Variants in ZYG11B observed in about 807,000 individuals in gnomAD.
ZYG11B encodes protein zyg-11 homolog B.
ZYG11B carries 36 observed loss-of-function variants against 82.4 expected under a neutral mutation model. The ratio of observed to expected loss-of-function variants is 0.44; its 90% CI spans 0.33 to 0.58. The LOEUF is 0.58. Ranked by LOEUF, ZYG11B falls within the 20% of genes least tolerant of loss-of-function variation. The pLI, the probability that ZYG11B is intolerant of heterozygous loss-of-function variation, is 0.02. For missense variants in ZYG11B, 552 were observed against 895.6 expected (o/e 0.62, Z 4.90); for synonymous variants, 303 against 312.8 (o/e 0.97, Z 0.33).
intron 8 of ZYG11B, among the ~76,000 whole-genome samples, chr1:52,797,460 G>A (rs61771063): frequency 0.18 from 10,944 of 60,508 alleles, 1,322 homozygotes; most frequent in East Asian, 0.53. Flanking sequence ...TATCATATAT[G>A]ATATATATAT....
chr1:52,821,509 A>C lies in ZYG11B; in HGVS notation c.2115A>C (p.Glu705Asp), dbSNP rs145947228. ...LQHLYNIKDHEHTDPHVQQIA... is the reference protein window; with the variant it reads ...LQHLYNIKDHDHTDPHVQQIA... ...ATTTATACAACATCAAAGATCATGAACATACTGATCCCCATGTCCAACAGA... is the reference window on the plus strand; with the variant it reads ...ATTTATACAACATCAAAGATCATGACCATACTGATCCCCATGTCCAACAGA... Residue 705 changes from glutamate to aspartate, a missense_variant, in exon 14 of 14, where the codon GAA becomes GAC. Glu to Asp is a conservative substitution (Grantham distance 45). Around this residue, in one of 3 missense-constraint regions of ZYG11B, gnomAD observed 127 missense variants for 163.4 expected, o/e 0.78. Transcript: ENST00000294353. The C allele has an allele frequency of 1.5e-5, 25 of 1,614,054 alleles. No homozygotes were observed. Among genetic ancestry groups the C allele is most frequent in the Non-Finnish European group, 2.0e-5 (24 of 1,180,012 alleles).
chr1:52,783,973 C>T (rs1482845737), intron 4 of ZYG11B, among the ~76,000 whole-genome samples: 1 of 38,866 alleles, frequency 2.6e-5, no homozygotes, highest in African/African-American at 1.5e-4. Flanking sequence ...CACACATATA[C>T]ACACACACAC....
rs1645289137 is a variant in ZYG11B, at chr1:52,822,184, AAG to A, written c.*557_*558del. 6.6e-6 allele frequency: 1 copy of A among 152,284 alleles called. No individual in the cohort carries two copies. Among genetic ancestry groups the A allele is most frequent in the Non-Finnish European group, 1.5e-5 (1 of 68,076 alleles). 9.4% of individuals were successfully genotyped at this position (152,284 alleles called of 1,614,324 possible). ...ATGGCTGGCGGAAAGATATATGAGA[AAG>A]AAAAATTATGAAGGTAGAACAGAGT... On this transcript the variant is annotated 3_prime_UTR_variant, in exon 14 of 14. Coordinates refer to ENST00000294353, the MANE Select transcript of ZYG11B (RefSeq NM_024646.3).
chr1:52,804,384 A>G (rs1645123776), intron 10 of ZYG11B, among the ~76,000 whole-genome samples: 3 of 152,184 alleles, frequency 2.0e-5, no homozygotes, highest in Admixed American at 2.0e-4. Flanking sequence ...AGGGTGAGGC[A>G]GGCGGGTCAC....
chr1:52,728,829 G>A (rs1336779669), intron 1 of ZYG11B, among the ~76,000 whole-genome samples: 1 of 151,518 alleles, frequency 6.6e-6, no homozygotes, highest in Admixed American at 6.6e-5. Flanking sequence ...TTGTGAATGT[G>A]AGTAGCAAGT....
rs1397019693 is a variant in ZYG11B at position 52,726,741 on chromosome 1, C to T, written c.30+58C>T. ...GCCCGCCACCCTAGCCCCCGCCCGT[C>T]GCGCTGGCCCCTGCGGTCTTGCCCC... On this transcript the variant is annotated intron_variant, in intron 1 of 13. Coordinates refer to ENST00000294353, the MANE Select transcript of ZYG11B (RefSeq NM_024646.3). 5 of 1,421,006 alleles carry T rather than the reference C, an allele frequency of 3.5e-6. No individual in the cohort carries two copies. In the African/African-American group the frequency reaches 4.5e-5, roughly 13 times the overall value. The allele number at this position is 1,421,006 out of a possible 1,614,324, so 88.0% of individuals were successfully genotyped here. A position where few individuals can be genotyped will look rare whatever the true frequency, so the allele number is the denominator to read the frequency against.
chr1:52,771,109 G>A lies in ZYG11B; in HGVS notation c.286G>A (p.Val96Ile). The A allele has an allele frequency of 6.2e-7, 1 of 1,614,202 alleles. No homozygotes were observed. The highest frequency in any genetic ancestry group is 8.5e-7 in the Non-Finnish European group (1 of 1,180,042). ...CATTCGCAAAGCAAAGATCTCTGCTGTTGCTTTCCGGAAAGCTTTCTGCCA... is the reference window on the plus strand; with the variant it reads ...CATTCGCAAAGCAAAGATCTCTGCTATTGCTTTCCGGAAAGCTTTCTGCCA... ...ACIRKAKISA[V>I]AFRKAFCHHK... The change falls in exon 3 of 14, where the codon GTT becomes ATT. Residue 96 changes from valine (V) to isoleucine (I), a missense_variant. This residue lies in a region of ZYG11B where 359 missense variants were observed against 555.8 expected (regional missense o/e 0.65). Transcript: ENST00000294353. The surrounding 1 kb of genome is among the most constrained non-coding windows in gnomAD (Gnocchi z 5.4).
chr1:52,747,499 G>A (rs1644486900), intron 1 of ZYG11B, among the ~76,000 whole-genome samples: 1 of 152,032 alleles, frequency 6.6e-6, no homozygotes, highest in Non-Finnish European at 1.5e-5. Flanking sequence ...AACAGACCTG[G>A]GTTTGTATCT....
At chr1:52,736,025 T>C (rs763005056) in intron 1 of ZYG11B, among the ~76,000 whole-genome samples, 3 of 152,162 alleles carry the variant, frequency 2.0e-5, no homozygotes, top group Admixed American at 6.5e-5. Context: ...CAAGATATTA[T>C]TGTGTACAGA....
chr1:52,742,189 G>A (rs562834868), intron 1 of ZYG11B, among the ~76,000 whole-genome samples: 1 of 152,250 alleles, frequency 6.6e-6, no homozygotes, highest in African/African-American at 2.4e-5. Context: ...CAGGCATGGT[G>A]ACTCACGCCT....
intron 13 of ZYG11B, among the ~76,000 whole-genome samples, chr1:52,820,277 T>C (rs1645272078): frequency 6.6e-6 from 1 of 151,998 alleles, no homozygotes; most frequent in Non-Finnish European, 1.5e-5. Flanking sequence ...TGTCTCCAAC[T>C]CAGATAGTTT....
In ZYG11B at chr1:52,730,743, C is replaced by T. The variant is rs533392906; in HGVS notation, c.30+4060C>T. Among the ~76,000 whole-genome samples the T allele has an allele frequency of 1.1e-3, 162 of 151,634 alleles. 1 individual carries two copies. The highest frequency in any genetic ancestry group is 3.7e-3 in the African/African-American group (153 of 41,302). On this transcript the variant is annotated intron_variant, in intron 1 of 13. Coordinates refer to ENST00000294353, the MANE Select transcript of ZYG11B (RefSeq NM_024646.3). ...GCCTGTAGTACCATCTGCTCTAAAG[C>T]CTGAGGTGGGAGGCTCACTTGAGCC... is the stretch of plus-strand genomic sequence containing the variant.
intron 5 of ZYG11B, among the ~76,000 whole-genome samples, chr1:52,785,397 T>C (rs143392759): frequency 7.8e-4 from 119 of 152,352 alleles, no homozygotes; most frequent in African/African-American, 2.6e-3. Flanking sequence ...CTTTTCCATT[T>C]CTAGCAGTAT....
At chr1:52,772,514 A>G (rs1355853290) in intron 3 of ZYG11B, 3 of 1,607,690 alleles carry the variant, frequency 1.9e-6, no homozygotes, top group African/African-American at 2.7e-5. Flanking sequence ...GTGAAGGAGT[A>G]AGGCCCTTCT....
At chr1:52,756,864 C>T (rs1644582111) in intron 2 of ZYG11B, among the ~76,000 whole-genome samples, 1 of 142,650 alleles carries the variant, frequency 7.0e-6, no homozygotes, top group African/African-American at 2.7e-5. Flanking sequence ...GTTACCCAGG[C>T]TGGAGTGCAG....
At chr1:52,766,837 T>G (rs1443962864) in intron 2 of ZYG11B, among the ~76,000 whole-genome samples, 1 of 152,000 alleles carries the variant, frequency 6.6e-6, no homozygotes, top group African/African-American at 2.4e-5. Context: ...TGAAACCCCG[T>G]CTCTACTAAA....
At chr1:52,817,798 T>C (rs1645243392) in intron 13 of ZYG11B, among the ~76,000 whole-genome samples, 1 of 53,150 alleles carries the variant, frequency 1.9e-5, no homozygotes, top group Admixed American at 2.0e-4. Flanking sequence ...TATATATATA[T>C]ATATATATAT....
intron 2 of ZYG11B, among the ~76,000 whole-genome samples, chr1:52,763,763 C>T (rs909780970): frequency 3.9e-5 from 6 of 152,120 alleles, no homozygotes; most frequent in African/African-American, 1.4e-4. Context: ...AGCTAGAAAT[C>T]AGAGTGAGAA....
intron 1 of ZYG11B, among the ~76,000 whole-genome samples, chr1:52,729,436 T>C (rs1644311721): frequency 6.6e-6 from 1 of 152,186 alleles, no homozygotes; most frequent in South Asian, 2.1e-4. Flanking sequence ...ACAGTGTATG[T>C]ATGGGAGAGG....
Sources: gnomAD v4.1 joint callset for allele counts (sites outside exome capture counted in the v4.1 genomes callset) on GRCh38, gnomAD v4.1.1 for gene constraint, gnomAD v4.1.1 regional missense constraint, Gnocchi (gnomAD v3.1) non-coding constraint, MANE v1.5 for transcripts, NCBI Gene and HGNC (gene_info 2026-07-23, HGNC 2026-07-21) for gene names.